Variants in FNDC3B observed in about 807,000 individuals in gnomAD.
The protein encoded by FNDC3B is fibronectin type III domain containing 3B.
A neutral mutation model predicts 151.5 loss-of-function variants in FNDC3B; 12 were observed. That is an observed-to-expected ratio of 0.08 (90% CI 0.05 to 0.13). The LOEUF (loss-of-function observed/expected upper bound fraction) is 0.13. FNDC3B is among the 10% of genes least tolerant of loss of function. FNDC3B has a pLI of 1.00. For missense variants in FNDC3B, 1,214 were observed against 1,505.3 expected (o/e 0.81, Z 3.20); for synonymous variants, 528 against 549.0 (o/e 0.96, Z 0.54).
intron 6 of FNDC3B, among the ~76,000 whole-genome samples, chr3:172,272,867 G>A (rs942089890): frequency 2.0e-5 from 3 of 152,096 alleles, no homozygotes; most frequent in Non-Finnish European, 4.4e-5. Context: ...TCATGGACTT[G>A]TGCAAGCTGA....
chr3:172,294,040 T>C (rs1730468312), intron 7 of FNDC3B, among the ~76,000 whole-genome samples: 1 of 152,246 alleles, frequency 6.6e-6, no homozygotes, highest in Non-Finnish European at 1.5e-5. Flanking sequence ...TCCAGACCAA[T>C]ATCCAGATAG....
intron 13 of FNDC3B, among the ~76,000 whole-genome samples, chr3:172,332,117 C>T (rs902930119): frequency 6.6e-5 from 10 of 152,014 alleles, no homozygotes; most frequent in South Asian, 2.1e-4. Flanking sequence ...ATTATAGGCA[C>T]GCAGCTCCAC....
At chr3:172,323,499 A>C (rs996584355) in intron 11 of FNDC3B, among the ~76,000 whole-genome samples, 1 of 152,234 alleles carries the variant, frequency 6.6e-6, no homozygotes, top group East Asian at 1.9e-4. Context: ...CCTGAACAAC[A>C]GAGTGAGACA....
At chr3:172,297,714 T>C (rs1730704834) in intron 8 of FNDC3B, among the ~76,000 whole-genome samples, 1 of 152,080 alleles carries the variant, frequency 6.6e-6, no homozygotes, top group Non-Finnish European at 1.5e-5. Flanking sequence ...GACCTCGTGA[T>C]CCGCCCTCCT....
chr3:172,346,583 A>G (rs1733628522), intron 20 of FNDC3B, 143 bp downstream of exon 20: 1 of 437,278 alleles, frequency 2.3e-6, no homozygotes, highest in Non-Finnish European at 4.0e-6. Context: ...TATAGTAATC[A>G]CCCTTGGCAC....
In FNDC3B at chr3:172,192,729, G is replaced by A. The variant is rs905411186; in HGVS notation, c.188-34142G>A. Among the ~76,000 whole-genome samples, 5 of 151,856 alleles carry A rather than the reference G, an allele frequency of 3.3e-5. No individual in the cohort carries two copies. In the East Asian group the frequency reaches 7.7e-4, roughly 23 times the overall value. ...GTTAGGATCTCTAATTACAGGGCAT[G>A]AATATATATATATATATTTTTTACC... On this transcript the variant is annotated intron_variant, in intron 3 of 25. Coordinates refer to ENST00000415807, the MANE Select transcript of FNDC3B (RefSeq NM_022763.4).
intron 4 of FNDC3B, among the ~76,000 whole-genome samples, chr3:172,229,084 A>AAC (rs760446690): frequency 0.092 from 10,808 of 117,624 alleles, 393 homozygotes; most frequent in Non-Finnish European, 0.098. Context: ...GAAAGAAAGA[A>AAC]ACACACACAC....
chr3:172,155,528 A>G (rs1459960386), intron 3 of FNDC3B, among the ~76,000 whole-genome samples: 2 of 152,222 alleles, frequency 1.3e-5, no homozygotes, highest in Non-Finnish European at 2.9e-5. Context: ...CAAGTCTAGT[A>G]GGTAGGTGGA....
At chr3:172,114,317 A>G (rs1211341288) in intron 2 of FNDC3B, among the ~76,000 whole-genome samples, 1 of 152,068 alleles carries the variant, frequency 6.6e-6, no homozygotes, top group Admixed American at 6.5e-5. Flanking sequence ...TTACTAATAC[A>G]AAGAAAAAAA....
chr3:172,214,439 G>A (rs918259036), intron 3 of FNDC3B, among the ~76,000 whole-genome samples: 1 of 152,130 alleles, frequency 6.6e-6, no homozygotes, highest in Non-Finnish European at 1.5e-5. Flanking sequence ...GTTAATTTTT[G>A]GAGATTGCTG....
intron 6 of FNDC3B, among the ~76,000 whole-genome samples, chr3:172,278,985 A>G (rs549273174): frequency 1.6e-4 from 24 of 152,250 alleles, no homozygotes; most frequent in African/African-American, 5.8e-4. Context: ...ATGCATATAC[A>G]TGATTTTTAC....
chr3:172,147,016 G>A (rs997351147), intron 3 of FNDC3B, among the ~76,000 whole-genome samples: 9 of 152,042 alleles, frequency 5.9e-5, no homozygotes, highest in African/African-American at 2.2e-4. Flanking sequence ...TTTAAAAAGT[G>A]AGATGAGAAG....
Position 172,218,865 on chromosome 3 carries a change from C to G in FNDC3B, c.188-8006C>G, listed in dbSNP as rs114144280. ...TTGGAGAGACCAGTATGCCTTCCAT[C>G]ATTTTACCTGAGCCAGAGGAAGTGC... On this transcript the variant is annotated intron_variant, in intron 3 of 25. Transcript: ENST00000415807. 1.6e-3 allele frequency among the ~76,000 whole-genome samples: 238 copies of G among 152,324 alleles called. 1 individual carries two copies. The highest frequency in any genetic ancestry group is 5.5e-3 in the African/African-American group (229 of 41,562).
chr3:172,107,209 G>T (rs1487983708), intron 1 of FNDC3B, among the ~76,000 whole-genome samples: 3 of 152,158 alleles, frequency 2.0e-5, no homozygotes, highest in Admixed American at 6.5e-5. Context: ...GTGTGGTTAG[G>T]GGGAGAGGTT....
intron 3 of FNDC3B, among the ~76,000 whole-genome samples, chr3:172,148,297 T>C (rs537682588): frequency 6.6e-6 from 1 of 152,272 alleles, no homozygotes; most frequent in South Asian, 2.1e-4. Context: ...ATAAGGGATG[T>C]ACTTATTCAA....
At chr3:172,253,911 C>T (rs1228706111) in intron 6 of FNDC3B, among the ~76,000 whole-genome samples, 3 of 152,104 alleles carry the variant, frequency 2.0e-5, no homozygotes, top group African/African-American at 7.2e-5. Flanking sequence ...TCCTGAGTAG[C>T]TGGAATTACA....
chr3:172,145,507 A>G (rs1721857969), intron 3 of FNDC3B, among the ~76,000 whole-genome samples: 1 of 152,236 alleles, frequency 6.6e-6, no homozygotes, highest in South Asian at 2.1e-4. Flanking sequence ...TGAGTCTTCA[A>G]CAGTTCTCCT....
At chr3:172,148,033 T>C (rs2108596702) in intron 3 of FNDC3B, among the ~76,000 whole-genome samples, 1 of 152,252 alleles carries the variant, frequency 6.6e-6, no homozygotes, top group South Asian at 2.1e-4. Flanking sequence ...CCCGGGACTC[T>C]AATTTTCAAA....
rs975922193 is a variant in FNDC3B at position 172,368,753 on chromosome 3, G to T, written c.3008+5908G>T. Among the ~76,000 whole-genome samples the T allele has an allele frequency of 2.0e-5, 3 of 152,216 alleles. No homozygotes were observed. The South Asian group carries it at 6.2e-4, about 31-fold the overall frequency. ...TGGCCAGATGCGGTGACTCATGCCT[G>T]TAATCCCAACACTTTGGAAGGCCGA... On this transcript the variant is annotated intron_variant, in intron 23 of 25. Transcript: ENST00000415807.
Sources: gnomAD v4.1 joint callset for allele counts (sites outside exome capture counted in the v4.1 genomes callset) on GRCh38, gnomAD v4.1.1 for gene constraint, MANE v1.5 for transcripts, NCBI Gene and HGNC (gene_info 2026-07-23, HGNC 2026-07-21) for gene names.